Variants in USP3 observed in about 807,000 individuals in gnomAD.
The protein encoded by USP3 is ubiquitin specific peptidase 3.
A neutral mutation model predicts 72.3 loss-of-function variants in USP3; 20 were observed. That is an observed-to-expected ratio of 0.28 (90% CI 0.19 to 0.40). The LOEUF (loss-of-function observed/expected upper bound fraction) is 0.40, where lower values mean the gene tolerates loss of function less well. USP3 is among the 10% of genes least tolerant of loss of function. The probability of loss-of-function intolerance (pLI) is 1.00; values close to 1 mark genes in which losing one functional copy is unlikely to be tolerated. For missense variants in USP3, 479 were observed against 633.9 expected (o/e 0.76, Z 2.62); for synonymous variants, 222 against 225.3 (o/e 0.99, Z 0.13).
intron 1 of USP3, among the ~76,000 whole-genome samples, chr15:63,505,468 T>C (rs2065700227): frequency 6.6e-6 from 1 of 152,188 alleles, no homozygotes; most frequent in African/African-American, 2.4e-5. Flanking sequence ...GAAAACAGGC[T>C]GCGGGCTGAG....
chr15:63,558,254 A>G (rs1055701171), intron 6 of USP3, 66 bp downstream of exon 6: 31 of 1,545,520 alleles, frequency 2.0e-5, no homozygotes, highest in Non-Finnish European at 2.5e-5. Context: ...CTGGCTCCCT[A>G]TCTCGTCTGC....
At position 63,547,162 on chromosome 15, in the gene USP3, C is replaced by T. The variant is rs150357210; in HGVS notation, c.285-6553C>T. 1.2e-3 allele frequency among the ~76,000 whole-genome samples: 190 copies of T among 152,272 alleles called. 1 individual carries two copies. The highest frequency in any genetic ancestry group is 4.2e-3 in the African/African-American group (176 of 41,550). The stretch of plus-strand genomic sequence containing the variant: ...AAACTAACATTTACTAATCCTCTGC[C>T]ACGTTGACAGGCACTCTCACCTTAG... On this transcript the variant is annotated intron_variant, in intron 3 of 14. Transcript: ENST00000380324.
chr15:63,587,696 C>G (rs768130909), intron 11 of USP3: 1 of 152,190 alleles, frequency 6.6e-6, no homozygotes, highest in Non-Finnish European at 1.5e-5. Context: ...ATAATGTAAA[C>G]AAGTGGGCAT....
chr15:63,521,143 C>T (rs1478691224), intron 1 of USP3, among the ~76,000 whole-genome samples: 3 of 137,454 alleles, frequency 2.2e-5, no homozygotes, highest in Admixed American at 7.4e-5. Flanking sequence ...TTCTTTTGGA[C>T]TTTTTTTTTT....
intron 3 of USP3, among the ~76,000 whole-genome samples, chr15:63,550,736 A>G (rs527911381): frequency 1.3e-5 from 2 of 152,330 alleles, no homozygotes; most frequent in East Asian, 3.9e-4. Flanking sequence ...TGGTGTCTCA[A>G]AGATTTTTCA....
intron 11 of USP3, among the ~76,000 whole-genome samples, chr15:63,579,767 A>T (rs1225849166): frequency 6.6e-6 from 1 of 152,200 alleles, no homozygotes; most frequent in East Asian, 1.9e-4. Context: ...TTGGACATAT[A>T]TGAAAAAGGT....
intron 1 of USP3, among the ~76,000 whole-genome samples, chr15:63,521,430 A>C (rs2065919648): frequency 6.6e-6 from 1 of 152,230 alleles, no homozygotes; most frequent in Non-Finnish European, 1.5e-5. Flanking sequence ...AGCAATATGT[A>C]AGATAATACT....
chr15:63,579,801 A>C (rs1447437512), intron 11 of USP3, among the ~76,000 whole-genome samples: 1 of 152,218 alleles, frequency 6.6e-6, no homozygotes, highest in African/African-American at 2.4e-5. Context: ...TACATGAGTA[A>C]GATATAAATG....
chr15:63,582,493 G>T (rs2066981538), intron 11 of USP3, among the ~76,000 whole-genome samples: 1 of 152,128 alleles, frequency 6.6e-6, no homozygotes, highest in African/African-American at 2.4e-5. Flanking sequence ...TAAACTGAGG[G>T]TTTGAAAAAC....
chr15:63,560,637 G>A (rs894949174), intron 7 of USP3, among the ~76,000 whole-genome samples: 3 of 151,824 alleles, frequency 2.0e-5, no homozygotes, highest in African/African-American at 7.3e-5. Flanking sequence ...AAATTAATTT[G>A]TAGTCAACAG....
intron 11 of USP3, among the ~76,000 whole-genome samples, chr15:63,584,686 T>G (rs958723447): frequency 1.1e-4 from 17 of 152,210 alleles, no homozygotes; most frequent in African/African-American, 3.9e-4. Context: ...CTTATCCAGA[T>G]ACATAATTTG....
chr15:63,556,645 C>T, intron 4 of USP3, 22 bp from the exon 5 acceptor site: 1 of 1,577,044 alleles, frequency 6.3e-7, no homozygotes, highest in Non-Finnish European at 8.6e-7. Context: ...AACTTTTTCA[C>T]TATCTGTTTG....
intron 1 of USP3, among the ~76,000 whole-genome samples, chr15:63,527,530 A>C (rs1284825085): frequency 6.6e-6 from 1 of 152,200 alleles, no homozygotes; most frequent in Non-Finnish European, 1.5e-5. Context: ...AAAAATTTAG[A>C]ATTCCAGACT....
chr15:63,504,699 G>T lies in USP3; in HGVS notation c.-41G>T, dbSNP rs867495448. The T allele has an allele frequency of 6.5e-7, 1 of 1,538,792 alleles. No individual in the cohort carries two copies. The highest frequency in any genetic ancestry group is 1.2e-5 in the South Asian group (1 of 83,304). Reference sequence around the variant, plus strand: ...AGTTCCTCCGCCCCCACCTCGCCGGGTCCTGGAGCCGCAGTCCTCCCAGCT... The same window carrying T: ...AGTTCCTCCGCCCCCACCTCGCCGGTTCCTGGAGCCGCAGTCCTCCCAGCT... On this transcript the variant is annotated 5_prime_UTR_variant, in exon 1 of 15. Transcript: ENST00000380324.
chr15:63,549,047 G>A (rs2066398407), intron 3 of USP3, among the ~76,000 whole-genome samples: 2 of 152,042 alleles, frequency 1.3e-5, no homozygotes, highest in South Asian at 4.1e-4. Context: ...AAAAGAAACA[G>A]GTGAAATTAC....
intron 6 of USP3, among the ~76,000 whole-genome samples, chr15:63,558,952 T>TCCA (rs2066558616): frequency 1.3e-5 from 2 of 152,180 alleles, no homozygotes; most frequent in African/African-American, 4.8e-5. Flanking sequence ...AGCTGCCTGG[T>TCCA]GGAGGGCTAG....
In USP3 at chr15:63,512,385, TTTCTTCTTTCTTCC is replaced by T. The variant is rs929696710; in HGVS notation, c.91+7564_91+7577del. On this transcript the variant is annotated intron_variant, in intron 1 of 14. Transcript: ENST00000380324. The stretch of plus-strand genomic sequence containing the variant: ...TCTTCTTTCTTCTTTCTTCTTTCTT[TTTCTTCTTTCTTCC>T]TTCTTCTTCTTTCTTCTTTCTTTTT... 3.6e-4 allele frequency among the ~76,000 whole-genome samples: 55 copies of T among 150,838 alleles called. 1 individual carries two copies. In the East Asian group the frequency reaches 0.01, roughly 28 times the overall value.
At chr15:63,555,176 G>C (rs1449957792) in intron 4 of USP3, among the ~76,000 whole-genome samples, 1 of 152,134 alleles carries the variant, frequency 6.6e-6, no homozygotes, top group African/African-American at 2.4e-5. Context: ...CTACATGTCT[G>C]CTTGGCTCCA....
chr15:63,581,345 T>TTG (rs59188081), intron 11 of USP3, among the ~76,000 whole-genome samples: 4,497 of 129,910 alleles, frequency 0.035, 86 homozygotes, highest in East Asian at 0.11. Flanking sequence ...GTGTTGGTTT[T>TTG]TGTGTGTGTG....
Sources: gnomAD v4.1 joint callset for allele counts (sites outside exome capture counted in the v4.1 genomes callset) on GRCh38, gnomAD v4.1.1 for gene constraint, MANE v1.5 for transcripts, NCBI Gene and HGNC (gene_info 2026-07-23, HGNC 2026-07-21) for gene names.